Variants in EYA2 observed in about 807,000 individuals in gnomAD.
EYA2 encodes the protein EYA transcriptional coactivator and phosphatase 2, also known as protein phosphatase EYA2.
A neutral mutation model predicts 69.2 loss-of-function variants in EYA2; 31 were observed. The ratio of observed to expected loss-of-function variants is 0.45; its 90% CI spans 0.34 to 0.60. The LOEUF (loss-of-function observed/expected upper bound fraction) is 0.60. Ranked by LOEUF, EYA2 falls within the 20% of genes least tolerant of loss-of-function variation. The pLI is 0.02. For missense variants in EYA2, 622 were observed against 701.2 expected, an observed-to-expected ratio of 0.89 and a Z score of 1.28; for synonymous variants, 257 against 279.4, an observed-to-expected ratio of 0.92 and a Z score of 0.80.
intron 7 of EYA2, among the ~76,000 whole-genome samples, chr20:47,088,578 T>G (rs1007093074): frequency 3.3e-5 from 5 of 152,100 alleles, no homozygotes; most frequent in Non-Finnish European, 7.3e-5. Context: ...CCACCCTGAT[T>G]GATTGAATAC....
intron 5 of EYA2, among the ~76,000 whole-genome samples, chr20:47,021,236 T>A (rs1011313401): frequency 1.3e-5 from 2 of 152,134 alleles, no homozygotes; most frequent in South Asian, 4.1e-4. Flanking sequence ...TTTTAGTAAG[T>A]GGTCAGGGTA....
intron 1 of EYA2, among the ~76,000 whole-genome samples, chr20:46,939,095 G>A (rs1189957404): frequency 6.6e-6 from 1 of 152,092 alleles, no homozygotes; most frequent in African/African-American, 2.4e-5. Flanking sequence ...GTTCAGGAGG[G>A]GCCAATTCTG....
At chr20:47,160,083 G>T (rs1385471650) in intron 10 of EYA2, among the ~76,000 whole-genome samples, 1 of 152,156 alleles carries the variant, frequency 6.6e-6, no homozygotes, top group Non-Finnish European at 1.5e-5. Flanking sequence ...GATATCCATT[G>T]TGGGGATTTG....
In EYA2 at chr20:47,188,311, G is replaced by A. The variant is rs559808470; in HGVS notation, c.*178G>A. ...CCATCAGTCCAAATGGGGGTTCTGA[G>A]AAGGAAAGTACCCAACATTGGCTTC... On this transcript the variant is annotated 3_prime_UTR_variant, in exon 16 of 16. Coordinates refer to ENST00000327619, the MANE Select transcript of EYA2 (RefSeq NM_005244.5). 2.4e-5 allele frequency: 15 copies of A among 629,586 alleles called. No homozygotes were observed. The East Asian group carries it at 3.8e-4, about 16-fold the overall frequency. The allele number at this position is 629,586 out of a possible 1,614,324, so 39.0% of individuals were successfully genotyped here. A position where few individuals can be genotyped will look rare whatever the true frequency, so the allele number is the denominator to read the frequency against.
intron 3 of EYA2, among the ~76,000 whole-genome samples, chr20:47,001,950 G>A (rs956120978): frequency 1.5e-5 from 2 of 132,468 alleles, no homozygotes; most frequent in African/African-American, 5.8e-5. Context: ...TTTTTTCTCC[G>A]AGACAGAGTC....
intron 4 of EYA2, among the ~76,000 whole-genome samples, chr20:47,012,713 C>G (rs1337360680): frequency 6.6e-6 from 1 of 152,136 alleles, no homozygotes; most frequent in Admixed American, 6.5e-5. Context: ...AGGCTGATCT[C>G]GAACTCCTGA....
chr20:47,116,268 G>A (rs145424783), intron 9 of EYA2, among the ~76,000 whole-genome samples: 1 of 145,854 alleles, frequency 6.9e-6, no homozygotes, highest in East Asian at 2.0e-4. Flanking sequence ...ACCTCCGCCT[G>A]GCTAGTTCAA....
chr20:47,169,107 C>T, intron 10 of EYA2, 32 bp from the exon 11 acceptor site: 2 of 1,591,746 alleles, frequency 1.3e-6, no homozygotes, highest in South Asian at 1.1e-5. Flanking sequence ...CATGTTCTCT[C>T]TCTCTCTCTC....
At chr20:47,183,227 G>C in intron 14 of EYA2, 64 bp from the exon 15 acceptor site, 1 of 1,472,324 alleles carries the variant, frequency 6.8e-7, no homozygotes, top group Non-Finnish European at 9.4e-7. Flanking sequence ...CTTAATGAGC[G>C]GGTATTGGCT....
At chr20:47,041,940 A>G (rs1184531718) in intron 5 of EYA2, among the ~76,000 whole-genome samples, 1 of 152,138 alleles carries the variant, frequency 6.6e-6, no homozygotes, top group Non-Finnish European at 1.5e-5. Flanking sequence ...TTTGTTTGCC[A>G]TAAATGGAAG....
chr20:47,155,353 G>A (rs1234287498), intron 10 of EYA2, among the ~76,000 whole-genome samples: 1 of 151,972 alleles, frequency 6.6e-6, no homozygotes, highest in Non-Finnish European at 1.5e-5. Context: ...GGATCTGAAT[G>A]CACCTTCTAG....
chr20:46,949,313 A>T (rs1384446045), intron 1 of EYA2, among the ~76,000 whole-genome samples: 1 of 152,244 alleles, frequency 6.6e-6, no homozygotes, highest in Non-Finnish European at 1.5e-5. Context: ...TGAAGTTAAC[A>T]GTGAGATTGG....
intron 7 of EYA2, among the ~76,000 whole-genome samples, chr20:47,086,128 T>C (rs958861049): frequency 2.0e-5 from 3 of 152,196 alleles, no homozygotes; most frequent in Non-Finnish European, 4.4e-5. Flanking sequence ...GAACTTTTAC[T>C]CTGTATTAGT....
intron 7 of EYA2, 143 bp downstream of exon 7, chr20:47,074,478 A>G: frequency 1.2e-6 from 1 of 817,346 alleles, no homozygotes; most frequent in South Asian, 2.1e-5. Context: ...TCTCTGAAGG[A>G]GGGACCTGGA....
At chr20:47,121,377 G>T (rs2033039309) in intron 9 of EYA2, among the ~76,000 whole-genome samples, 1 of 152,176 alleles carries the variant, frequency 6.6e-6, no homozygotes, top group African/African-American at 2.4e-5. Context: ...ACACGCATGA[G>T]CCACCGTGCC....
rs566594116 is a variant in EYA2, at chr20:47,161,272, G to A, written c.979-7867G>A. On this transcript the variant is annotated intron_variant, in intron 10 of 15. Coordinates refer to ENST00000327619, the MANE Select transcript of EYA2 (RefSeq NM_005244.5). Reference sequence around the variant, plus strand: ...AGAGCTAGCCCAGGATGATGGCCCCGCGGATGGCGTGGCCACCTCCTTGGA... The same window carrying A: ...AGAGCTAGCCCAGGATGATGGCCCCACGGATGGCGTGGCCACCTCCTTGGA... 1.7e-4 allele frequency: 93 copies of A among 536,134 alleles called. 5 individuals carry two copies. The highest frequency in any genetic ancestry group is 2.6e-4 in the Non-Finnish European group (73 of 284,894). 33.2% of individuals were successfully genotyped at this position (536,134 alleles called of 1,614,324 possible). A position where few individuals can be genotyped will look rare whatever the true frequency, so the allele number is the denominator to read the frequency against.
chr20:47,046,981 T>C (rs1482495238), intron 5 of EYA2, among the ~76,000 whole-genome samples: 1 of 152,230 alleles, frequency 6.6e-6, no homozygotes, highest in East Asian at 1.9e-4. Flanking sequence ...GTATGATATC[T>C]GTCTCCCCTG....
rs558643603 is a variant in EYA2, at chr20:47,083,985, C to A, written c.662-5254C>A. Among the ~76,000 whole-genome samples, 11 of 152,320 alleles carry A rather than the reference C, an allele frequency of 7.2e-5. No homozygotes were observed. The East Asian group carries it at 2.1e-3, about 29-fold the overall frequency. Reference sequence around the variant, plus strand: ...GCAGGGCCAGGTGCAGTGGCTCATGCCTGTAATCCCAGCACTTTGGGAGGC... The same window carrying A: ...GCAGGGCCAGGTGCAGTGGCTCATGACTGTAATCCCAGCACTTTGGGAGGC... On this transcript the variant is annotated intron_variant, in intron 7 of 15. Transcript: ENST00000327619.
chr20:47,140,579 A>G (rs983864466), intron 9 of EYA2, among the ~76,000 whole-genome samples: 1 of 152,176 alleles, frequency 6.6e-6, no homozygotes, highest in Non-Finnish European at 1.5e-5. Context: ...CTCCTCTCCC[A>G]ACTCAGCCCC....
Sources: gnomAD v4.1 joint callset for allele counts (sites outside exome capture counted in the v4.1 genomes callset) on GRCh38, gnomAD v4.1.1 for gene constraint, MANE v1.5 for transcripts, NCBI Gene and HGNC (gene_info 2026-07-23, HGNC 2026-07-21) for gene names.